Variants in DBF4B observed in about 807,000 individuals in gnomAD.
The protein encoded by DBF4B is DBF4B-CDC7 kinase regulatory subunit, also known as protein DBF4 homolog B.
A neutral mutation model predicts 53.4 loss-of-function variants in DBF4B; 49 were observed. The observed-to-expected ratio is 0.92, with a 90% CI of 0.73 to 1.16. DBF4B has a LOEUF of 1.16. Among genes scored for constraint, DBF4B ranks in the 50% most tolerant of loss-of-function variants. DBF4B has a pLI of 0.00. For missense variants in DBF4B, 692 were observed against 775.0 expected, an observed-to-expected ratio of 0.89 and a Z score of 1.27; for synonymous variants, 257 against 288.7, an observed-to-expected ratio of 0.89 and a Z score of 1.11.
intron 7 of DBF4B, 122 bp downstream of exon 7, chr17:44,734,285 G>A: frequency 8.2e-7 from 1 of 1,221,556 alleles, no homozygotes; most frequent in Non-Finnish European, 1.2e-6. Context: ...GATGGAAGAG[G>A]AATGCAGCCT....
intron 10 of DBF4B, among the ~76,000 whole-genome samples, chr17:44,744,708 G>A (rs1222079803): frequency 6.6e-6 from 1 of 152,146 alleles, no homozygotes; most frequent in Non-Finnish European, 1.5e-5. Context: ...CATGAGAGAG[G>A]CTGTTTCCCA....
At position 44,751,181 on chromosome 17, in the gene DBF4B, G is replaced by C; in HGVS notation, c.1776G>C (p.Gln592His). 6.2e-7 allele frequency: 1 copy of C among 1,613,950 alleles called. No individual in the cohort carries two copies. Among genetic ancestry groups the C allele is most frequent in the East Asian group, 2.2e-5 (1 of 44,868 alleles). The stretch of plus-strand genomic sequence containing the variant: ...ATCATGACCTTGGACATCTCTGCCA[G>C]GCCAAACCCCAAGGCTGGAACACTC... ...LNDHDLGHLC[Q>H]AKPQGWNTPQ... The change falls in exon 14 of 14, where the codon CAG becomes CAC. Residue 592 changes from glutamine to histidine, a missense_variant. Gln to His is a conservative substitution (Grantham distance 24, BLOSUM62 0). Transcript: ENST00000315005.
At chr17:44,734,617 G>A (rs145344345) in intron 7 of DBF4B, among the ~76,000 whole-genome samples, 191 of 152,338 alleles carry the variant, frequency 1.3e-3, no homozygotes, top group African/African-American at 4.4e-3. Context: ...CTTTGCTGGC[G>A]TTAGAACTGT....
chr17:44,744,282 C>G (rs1457863358), intron 10 of DBF4B, among the ~76,000 whole-genome samples: 1 of 151,872 alleles, frequency 6.6e-6, no homozygotes, highest in African/African-American at 2.4e-5. Context: ...CATGGTGGTG[C>G]AAGCCTGTAG....
At chr17:44,740,590 C>A (rs1288866237) in intron 9 of DBF4B, among the ~76,000 whole-genome samples, 2 of 152,196 alleles carry the variant, frequency 1.3e-5, no homozygotes, top group East Asian at 3.8e-4. Context: ...TTTAAACATT[C>A]TTCCATTTAG....
At position 44,751,976 on chromosome 17, in the gene DBF4B, A is replaced by G; in HGVS notation, c.*723A>G. The G allele has an allele frequency of 6.5e-7, 1 of 1,534,658 alleles. No individual in the cohort carries two copies. Among genetic ancestry groups the G allele is most frequent in the Non-Finnish European group, 8.7e-7 (1 of 1,146,408 alleles). ...CCGTCTGCCCTGAGTCAGCTCCGAGACACCTGAAGAGCCCTCCAGCCCTAA... is the reference window on the plus strand; with the variant it reads ...CCGTCTGCCCTGAGTCAGCTCCGAGGCACCTGAAGAGCCCTCCAGCCCTAA... On this transcript the variant is annotated 3_prime_UTR_variant, in exon 14 of 14. Transcript: ENST00000315005.
rs905352843 is a variant in DBF4B, at chr17:44,749,510, C to G, written c.1189+1045C>G. 8.6e-6 allele frequency: 11 copies of G among 1,271,808 alleles called. No homozygotes were observed. The African/African-American group carries it at 1.5e-4, about 18-fold the overall frequency. The allele number at this position is 1,271,808 out of a possible 1,614,324, so 78.8% of individuals were successfully genotyped here. A position where few individuals can be genotyped will look rare whatever the true frequency, so the allele number is the denominator to read the frequency against. ...CCTTTGAAGTCCAGCAAGCAGCTGT[C>G]ACGCTCAGCTCCATGGAGCTGACAG... On this transcript the variant is annotated intron_variant, in intron 13 of 13. Transcript: ENST00000315005. The surrounding 1 kb of genome is among the most constrained non-coding windows in gnomAD (Gnocchi z 4.4).
At chr17:44,720,858 A>T (rs1388280378) in intron 2 of DBF4B, among the ~76,000 whole-genome samples, 1 of 148,620 alleles carries the variant, frequency 6.7e-6, no homozygotes, top group Non-Finnish European at 1.5e-5. Context: ...ACTTGCTATT[A>T]TCTGGCTTTT....
At chr17:44,744,013 G>T (rs1976335866) in intron 10 of DBF4B, among the ~76,000 whole-genome samples, 1 of 150,042 alleles carries the variant, frequency 6.7e-6, no homozygotes, top group Admixed American at 6.7e-5. Context: ...AGCACTTTGG[G>T]AGGCCAAGGG....
Position 44,708,711 on chromosome 17 carries a change from G to T in DBF4B, c.-110G>T, listed in dbSNP as rs1039441784. 9 of 1,332,062 alleles carry T rather than the reference G, an allele frequency of 6.8e-6. No homozygotes were observed. The African/African-American group carries it at 7.5e-5, about 11-fold the overall frequency. 82.5% of individuals were successfully genotyped at this position (1,332,062 alleles called of 1,614,324 possible). On this transcript the variant is annotated 5_prime_UTR_variant, in exon 1 of 14. Coordinates refer to ENST00000315005, the MANE Select transcript of DBF4B (RefSeq NM_145663.3). ...ACGCCAAGAGATTGATGCTGTAGCTGCCCTGAGATAACCAGGACTGTGGAA... is the reference window on the plus strand; with the variant it reads ...ACGCCAAGAGATTGATGCTGTAGCTTCCCTGAGATAACCAGGACTGTGGAA...
At chr17:44,732,464 T>C in intron 6 of DBF4B, 199 bp downstream of exon 6, 1 of 594,610 alleles carries the variant, frequency 1.7e-6, no homozygotes, top group Non-Finnish European at 3.0e-6. Flanking sequence ...GGCTGTGGCC[T>C]CGGCATCCCG....
Position 44,742,457 on chromosome 17 carries a change from T to G in DBF4B, c.830+1005T>G, listed in dbSNP as rs1422024237. 2.0e-5 allele frequency among the ~76,000 whole-genome samples: 3 copies of G among 150,626 alleles called. No homozygotes were observed. In the East Asian group the frequency reaches 5.8e-4, roughly 29 times the overall value. On this transcript the variant is annotated intron_variant, in intron 10 of 13. Transcript: ENST00000315005. ...TTAGTCAAGCGTGATGACAAGTGCC[T>G]GTAGTCCCACTTACTCAGATGGCTA...
chr17:44,715,220 G>A (rs1483726602), intron 2 of DBF4B, among the ~76,000 whole-genome samples: 1 of 151,560 alleles, frequency 6.6e-6, no homozygotes, highest in Non-Finnish European at 1.5e-5. Context: ...TTGTTTTTGA[G>A]ACGGAGTTTT....
rs769470054 is a variant in DBF4B, at chr17:44,747,158, G to A, written c.906G>A (p.Glu302=). ...CCAGGAGGAAGAAAGGCTACTGCGAGTGCTGTCAGGAGGCCTTCGAGGAGC... is the reference window on the plus strand; with the variant it reads ...CCAGGAGGAAGAAAGGCTACTGCGAATGCTGTCAGGAGGCCTTCGAGGAGC... ...TMPRRKKGYC[E]CCQEAFEELH... is the part of the protein sequence containing the mutation. Residue 302 remains glutamate, a synonymous_variant, in exon 11 of 14, where the codon GAG becomes GAA. Coordinates refer to ENST00000315005, the MANE Select transcript of DBF4B (RefSeq NM_145663.3). 6.2e-7 allele frequency: 1 copy of A among 1,614,216 alleles called. No individual in the cohort carries two copies. The highest frequency in any genetic ancestry group is 1.1e-5 in the South Asian group (1 of 91,088).
rs910886772 is a variant in DBF4B at position 44,708,775 on chromosome 17, G to A, written c.-46G>A. ...ATGGAGCTCGCGAATGTAATACGGAGGCCTCTGAGGAAGGAGTACGGAGGC... is the reference window on the plus strand; with the variant it reads ...ATGGAGCTCGCGAATGTAATACGGAAGCCTCTGAGGAAGGAGTACGGAGGC... On this transcript the variant is annotated 5_prime_UTR_variant, in exon 1 of 14. Coordinates refer to ENST00000315005, the MANE Select transcript of DBF4B (RefSeq NM_145663.3). 6.5e-7 allele frequency: 1 copy of A among 1,548,284 alleles called. No homozygotes were observed. Among genetic ancestry groups the A allele is most frequent in the East Asian group, 2.4e-5 (1 of 40,836 alleles).
rs1598875215 is a variant in DBF4B at position 44,752,160 on chromosome 17, A to G, written c.*907A>G. 6.2e-6 allele frequency: 4 copies of G among 648,252 alleles called. No homozygotes were observed. Among genetic ancestry groups the G allele is most frequent in the Middle Eastern group, 2.5e-4 (1 of 3,972 alleles). 40.2% of individuals were successfully genotyped at this position (648,252 alleles called of 1,614,324 possible). On this transcript the variant is annotated 3_prime_UTR_variant, in exon 14 of 14. Coordinates refer to ENST00000315005, the MANE Select transcript of DBF4B (RefSeq NM_145663.3). ...TGCCTCCAACTCACTGTGACCTCAG[A>G]AAAATGCCTTTATTACTCGGGCCTC...
chr17:44,713,896 C>A (rs1973115396), intron 2 of DBF4B, among the ~76,000 whole-genome samples: 1 of 151,464 alleles, frequency 6.6e-6, no homozygotes, highest in Non-Finnish European at 1.5e-5. Flanking sequence ...CTCCGATCTC[C>A]CCTCGTTATT....
At position 44,751,147 on chromosome 17, in the gene DBF4B, A is replaced by C. The variant is rs530551804; in HGVS notation, c.1742A>C (p.Tyr581Ser). 1.9e-6 allele frequency: 3 copies of C among 1,613,768 alleles called. No homozygotes were observed. In the South Asian group the frequency reaches 3.3e-5, roughly 18 times the overall value. ...SHPCTLAFPS[Y>S]LNDHDLGHLC... is the part of the protein sequence containing the mutation. ...CCGTGTACCCTTGCCTTCCCCTCCT[A>C]TCTCAATGATCATGACCTTGGACAT... Residue 581 changes from tyrosine (Y) to serine (S), a missense_variant, in exon 14 of 14, where the codon TAT becomes TCT. Transcript: ENST00000315005.
rs1298210283 is a variant in DBF4B at position 44,750,666 on chromosome 17, A to T, written c.1261A>T (p.Ser421Cys). 1 of 1,614,044 alleles carries T rather than the reference A, an allele frequency of 6.2e-7. No individual in the cohort carries two copies. The highest frequency in any genetic ancestry group is 1.7e-5 in the Admixed American group (1 of 60,022). ...SLDGVMGPPA[S>C]HTCVSATTLL... is the part of the protein sequence containing the mutation. ...AGATGGTGTGATGGGACCTCCTGCA[A>T]GTCACACATGTGTGAGTGCCACAAC... The change falls in exon 14 of 14, where the codon AGT becomes TGT. Residue 421 changes from serine to cysteine, a missense_variant. By Grantham distance (112) the Ser-to-Cys change is moderately radical. Coordinates refer to ENST00000315005, the MANE Select transcript of DBF4B (RefSeq NM_145663.3).
Sources: allele counts gnomAD v4.1 joint callset (sites outside exome capture counted in the v4.1 genomes callset), GRCh38; gene constraint gnomAD v4.1.1; non-coding constraint Gnocchi (gnomAD v3.1); transcripts MANE v1.5; gene names NCBI Gene and HGNC (gene_info 2026-07-23, HGNC 2026-07-21).